Variants in KATNAL2 observed in about 807,000 individuals in gnomAD.
The protein encoded by KATNAL2 is katanin p60 ATPase-containing subunit A-like 2.
A neutral mutation model predicts 76.3 loss-of-function variants in KATNAL2; 52 were observed. The ratio of observed to expected loss-of-function variants is 0.68; its 90% CI spans 0.55 to 0.86. The LOEUF is 0.86. Among genes scored for constraint, KATNAL2 ranks in the 40% least tolerant of loss-of-function variants. The pLI, the probability that KATNAL2 is intolerant of heterozygous loss-of-function variation, is 0.00. For synonymous variants in KATNAL2, 243 were observed against 244.2 expected (o/e 1.00, Z 0.05); for missense variants, 660 against 668.9 (o/e 0.99, Z 0.15).
chr18:46,918,369 C>G (rs539808741), intron 1 of KATNAL2, among the ~76,000 whole-genome samples: 4 of 152,164 alleles, frequency 2.6e-5, no homozygotes, highest in Non-Finnish European at 4.4e-5. Flanking sequence ...TAATCAGCCT[C>G]CTACCTACCG....
chr18:46,940,645 G>T (rs1423565580), intron 1 of KATNAL2, among the ~76,000 whole-genome samples: 2 of 152,162 alleles, frequency 1.3e-5, no homozygotes, highest in Admixed American at 1.3e-4. Context: ...AAGACAGTTT[G>T]ACATGAATGA....
intron 3 of KATNAL2, among the ~76,000 whole-genome samples, chr18:47,039,003 G>T (rs969187350): frequency 6.6e-6 from 1 of 152,148 alleles, no homozygotes; most frequent in Non-Finnish European, 1.5e-5. Flanking sequence ...GCAGAAACAG[G>T]CTCTGTCTGG....
At chr18:46,926,517 T>G (rs182078638) in intron 1 of KATNAL2, among the ~76,000 whole-genome samples, 103 of 152,298 alleles carry the variant, frequency 6.8e-4, no homozygotes, top group Non-Finnish European at 1.3e-3. Context: ...ATGTGGTCAA[T>G]TTTGGAGTAG....
intron 10 of KATNAL2, among the ~76,000 whole-genome samples, chr18:47,066,034 C>G (rs2061782003): frequency 6.6e-6 from 1 of 151,528 alleles, no homozygotes; most frequent in Non-Finnish European, 1.5e-5. Context: ...AAATGAACCT[C>G]CTATGGTGGA....
At chr18:47,091,964 C>T (rs1319844661) in intron 15 of KATNAL2, among the ~76,000 whole-genome samples, 1 of 152,140 alleles carries the variant, frequency 6.6e-6, no homozygotes, top group East Asian at 1.9e-4. Context: ...CTTATTTTCT[C>T]TTCCCTTGGG....
chr18:47,052,086 G>C (rs867023793), intron 4 of KATNAL2, among the ~76,000 whole-genome samples: 1 of 152,218 alleles, frequency 6.6e-6, no homozygotes, highest in South Asian at 2.1e-4. Flanking sequence ...CTTTTCAGGA[G>C]AAAATTGTTG....
intron 1 of KATNAL2, among the ~76,000 whole-genome samples, chr18:46,933,967 G>A (rs1377774685): frequency 6.2e-4 from 85 of 136,944 alleles, no homozygotes; most frequent in South Asian, 1.7e-3. Flanking sequence ...TCCCTACAAA[G>A]GACATGAACT....
intron 1 of KATNAL2, among the ~76,000 whole-genome samples, chr18:46,921,248 C>A (rs1168314397): frequency 2.6e-5 from 4 of 152,184 alleles, no homozygotes; most frequent in Admixed American, 6.5e-5. Context: ...CTGCCTCAGC[C>A]TCCCAAGTAG....
At chr18:47,085,768 ACT>A (rs890670642) in intron 15 of KATNAL2, among the ~76,000 whole-genome samples, 10 of 151,248 alleles carry the variant, frequency 6.6e-5, no homozygotes, top group African/African-American at 1.2e-4. Context: ...TGTTTATTCA[ACT>A]CTTTTTTTAT....
intron 17 of KATNAL2, 66 bp from the exon 18 acceptor site, chr18:47,100,800 C>T (rs1472377699): frequency 5.6e-5 from 88 of 1,565,770 alleles, no homozygotes; most frequent in East Asian, 1.1e-4. Context: ...GGTCTATTAG[C>T]GTTTCAAGAG....
chr18:46,945,353 C>T (rs532417355), intron 1 of KATNAL2, among the ~76,000 whole-genome samples: 2 of 152,318 alleles, frequency 1.3e-5, no homozygotes, highest in African/African-American at 2.4e-5. Context: ...TAGAAGAAAA[C>T]GCCATTGAGT....
At chr18:47,043,227 A>G (rs961414173) in intron 3 of KATNAL2, among the ~76,000 whole-genome samples, 2 of 127,406 alleles carry the variant, frequency 1.6e-5, no homozygotes, top group Admixed American at 8.0e-5. Context: ...ACTCCGTTTC[A>G]AAAAAAAAAA....
chr18:47,099,438 C>G (rs1419935268), intron 16 of KATNAL2, 33 bp downstream of exon 16: 4 of 1,571,070 alleles, frequency 2.5e-6, no homozygotes, highest in Non-Finnish European at 3.5e-6. Context: ...ACATGTAGGT[C>G]AAGGGCCCAC....
At chr18:46,936,799 T>A (rs1288141891) in intron 1 of KATNAL2, among the ~76,000 whole-genome samples, 1 of 151,754 alleles carries the variant, frequency 6.6e-6, no homozygotes, top group African/African-American at 2.4e-5. Context: ...TAAAAATATT[T>A]AAAAAATTAG....
At chr18:47,065,081 A>C (rs900893728) in intron 10 of KATNAL2, among the ~76,000 whole-genome samples, 1 of 152,220 alleles carries the variant, frequency 6.6e-6, no homozygotes, top group African/African-American at 2.4e-5. Flanking sequence ...CTCTATAGAC[A>C]GAATAAGGAA....
chr18:47,075,261 C>T lies in KATNAL2; in HGVS notation c.1009-16C>T, dbSNP rs776004726. The T allele has an allele frequency of 1.4e-5, 21 of 1,537,620 alleles. No individual in the cohort carries two copies. The highest frequency in any genetic ancestry group is 1.8e-5 in the Non-Finnish European group (21 of 1,150,738). ...GTCTATAAGCTTGAACACTTGCTTG[C>T]TTTTCCCCCACCCAGGTGTTATTTG... On this transcript the variant is annotated splice_polypyrimidine_tract_variant and intron_variant, in intron 13 of 17. Transcript: ENST00000683218.
rs11281082 is a variant in KATNAL2, at chr18:47,066,888, T to TATATATATATATATATATAAACACAC, written c.727-128_727-127insTATATATATATATAAACACACATATA. On this transcript the variant is annotated intron_variant, in intron 10 of 17. Transcript: ENST00000683218. Reference sequence around the variant, plus strand: ...ATATATATATATATATATATATATATATATAATATGAACAGTTTTTATCAC... The same window carrying TATATATATATATATATATAAACACAC: ...ATATATATATATATATATATATATATATATATATATATATATATAAACACACATATAATATGAACAGTTTTTATCAC... The TATATATATATATATATATAAACACAC allele has an allele frequency of 1.8e-3, 135 of 75,778 alleles. 3 individuals are homozygous for TATATATATATATATATATAAACACAC. Among genetic ancestry groups the TATATATATATATATATATAAACACAC allele is most frequent in the Non-Finnish European group, 2.5e-3 (91 of 35,716 alleles). 4.7% of individuals were successfully genotyped at this position (75,778 alleles called of 1,614,324 possible).
chr18:47,074,208 T>C (rs1203552781), intron 13 of KATNAL2, among the ~76,000 whole-genome samples: 9 of 152,328 alleles, frequency 5.9e-5, no homozygotes, highest in Admixed American at 3.9e-4. Context: ...CAGCCAGTTG[T>C]TCCTATAAAA....
intron 13 of KATNAL2, among the ~76,000 whole-genome samples, chr18:47,074,423 A>C (rs1196726370): frequency 6.6e-6 from 1 of 152,202 alleles, no homozygotes; most frequent in Non-Finnish European, 1.5e-5. Flanking sequence ...CATGGAGAAT[A>C]AATCCCCCAT....
Sources: allele counts gnomAD v4.1 joint callset (sites outside exome capture counted in the v4.1 genomes callset), GRCh38; gene constraint gnomAD v4.1.1; transcripts MANE v1.5; gene names NCBI Gene and HGNC (gene_info 2026-07-23, HGNC 2026-07-21).